Variants in DCC observed in about 807,000 individuals in gnomAD.
DCC encodes the protein netrin receptor DCC.
DCC carries 58 observed loss-of-function variants against 172.5 expected under a neutral mutation model. That is an observed-to-expected ratio of 0.34 (90% CI 0.27 to 0.42). DCC has a LOEUF of 0.42. DCC is among the 10% of genes least tolerant of loss of function. The pLI is 1.00. For missense variants in DCC, 1,740 were observed against 1,791.0 expected (o/e 0.97, Z 0.51); for synonymous variants, 709 against 644.5 (o/e 1.10, Z -1.52).
At chr18:52,897,351 A>G (rs1833852252) in intron 2 of DCC, among the ~76,000 whole-genome samples, 1 of 152,216 alleles carries the variant, frequency 6.6e-6, no homozygotes, top group Admixed American at 6.5e-5. Context: ...AACTCCAGGT[A>G]ATCTCATTAT....
At chr18:53,441,421 C>A (rs1407774659) in intron 22 of DCC, among the ~76,000 whole-genome samples, 2 of 152,080 alleles carry the variant, frequency 1.3e-5, no homozygotes, top group East Asian at 1.9e-4. Context: ...AAATGTATAT[C>A]ATTAATGCAG....
intron 14 of DCC, among the ~76,000 whole-genome samples, chr18:53,330,055 C>T (rs891999376): frequency 3.9e-5 from 6 of 152,126 alleles, no homozygotes; most frequent in Non-Finnish European, 8.8e-5. Flanking sequence ...GTGGTTGATT[C>T]TGGTGATGGA....
intron 12 of DCC, among the ~76,000 whole-genome samples, chr18:53,228,357 C>T (rs974852720): frequency 1.3e-5 from 2 of 152,198 alleles, no homozygotes; most frequent in African/African-American, 4.8e-5. Flanking sequence ...CCGTTACAAT[C>T]TTGGATTATT....
At chr18:52,964,683 G>C (rs754312341) in intron 5 of DCC, among the ~76,000 whole-genome samples, 4 of 152,080 alleles carry the variant, frequency 2.6e-5, no homozygotes, top group Non-Finnish European at 5.9e-5. Flanking sequence ...AATTTGCTTA[G>C]AATGTCTACT....
intron 7 of DCC, among the ~76,000 whole-genome samples, chr18:53,133,653 A>G (rs962795500): frequency 1.3e-5 from 2 of 152,208 alleles, no homozygotes; most frequent in African/African-American, 4.8e-5. Context: ...GAAAACTATT[A>G]GTGGTACATT....
chr18:53,033,034 G>A (rs564881164), intron 5 of DCC, among the ~76,000 whole-genome samples: 15 of 152,228 alleles, frequency 9.9e-5, no homozygotes, highest in African/African-American at 3.1e-4. Flanking sequence ...GTTAAATAGA[G>A]TTAGTCTCCA....
At chr18:52,540,597 CTTTTT>C (rs71175505) in intron 1 of DCC, among the ~76,000 whole-genome samples, 2 of 67,490 alleles carry the variant, frequency 3.0e-5, no homozygotes, top group Non-Finnish European at 5.0e-5. Flanking sequence ...ATTCAACTGC[CTTTTT>C]TTTTTTTTTT....
intron 5 of DCC, among the ~76,000 whole-genome samples, chr18:52,933,483 A>G (rs2040337806): frequency 6.6e-6 from 1 of 151,906 alleles, no homozygotes; most frequent in East Asian, 1.9e-4. Context: ...GAGGTAGTAA[A>G]TGTGCAAAGG....
intron 1 of DCC, among the ~76,000 whole-genome samples, chr18:52,364,986 T>A (rs1314490774): frequency 1.3e-5 from 2 of 152,142 alleles, no homozygotes; most frequent in African/African-American, 4.8e-5. Context: ...TGTAGAAAGT[T>A]TAAAAGAAAT....
At chr18:52,422,382 A>C (rs1162674693) in intron 1 of DCC, among the ~76,000 whole-genome samples, 3 of 152,132 alleles carry the variant, frequency 2.0e-5, no homozygotes, top group Admixed American at 1.3e-4. Flanking sequence ...AGTCCCCTTA[A>C]CATCACATCA....
chr18:52,848,601 G>A (rs2038931039), intron 2 of DCC, among the ~76,000 whole-genome samples: 1 of 151,974 alleles, frequency 6.6e-6, no homozygotes, highest in Non-Finnish European at 1.5e-5. Flanking sequence ...TGGCTTTGGA[G>A]TTTCGCATGT....
chr18:53,471,547 A>G (rs557000004), intron 25 of DCC, among the ~76,000 whole-genome samples: 10 of 152,158 alleles, frequency 6.6e-5, no homozygotes, highest in Non-Finnish European at 1.5e-4. Flanking sequence ...CAATTTTACT[A>G]TGTTCTACAA....
intron 2 of DCC, among the ~76,000 whole-genome samples, chr18:52,846,989 A>G (rs2038904715): frequency 6.6e-6 from 1 of 152,080 alleles, no homozygotes; most frequent in Non-Finnish European, 1.5e-5. Context: ...TCAATATGTA[A>G]GTGTTATGTT....
intron 2 of DCC, among the ~76,000 whole-genome samples, chr18:52,866,810 C>A (rs2039235986): frequency 2.0e-5 from 3 of 152,210 alleles, no homozygotes; most frequent in Admixed American, 6.5e-5. Flanking sequence ...TCTAAATACA[C>A]AATCATGTCA....
intron 2 of DCC, among the ~76,000 whole-genome samples, chr18:52,799,422 G>A (rs145335961): frequency 1.4e-4 from 21 of 152,294 alleles, no homozygotes; most frequent in African/African-American, 2.2e-4. Flanking sequence ...ATGTAACAAG[G>A]AAGCATGAAA....
At chr18:52,734,026 C>T (rs1311092028) in intron 1 of DCC, among the ~76,000 whole-genome samples, 1 of 152,084 alleles carries the variant, frequency 6.6e-6, no homozygotes, top group East Asian at 1.9e-4. Flanking sequence ...AAATATATTT[C>T]AAACTAAAGT....
Position 52,797,890 on chromosome 18 carries a change from A to T in DCC, c.412+45516A>T, listed in dbSNP as rs2037907444. On this transcript the variant is annotated intron_variant, in intron 2 of 28. Coordinates refer to ENST00000442544, the MANE Select transcript of DCC (RefSeq NM_005215.4). ...AAAGGCTGGCTGGTTCTCAAGCCGC[A>T]TAAAACACATGTGGGCAATAGCAGT... is the stretch of plus-strand genomic sequence containing the variant. 2.0e-5 allele frequency among the ~76,000 whole-genome samples: 3 copies of T among 152,214 alleles called. No homozygotes were observed. In the South Asian group the frequency reaches 6.2e-4, roughly 32 times the overall value.
intron 21 of DCC, among the ~76,000 whole-genome samples, chr18:53,425,957 C>T (rs1599134753): frequency 1.3e-5 from 2 of 152,006 alleles, no homozygotes; most frequent in East Asian, 3.9e-4. Context: ...TTCAGTGGAT[C>T]CCTATCCTCT....
At chr18:52,545,412 G>T (rs2032582983) in intron 1 of DCC, among the ~76,000 whole-genome samples, 1 of 152,160 alleles carries the variant, frequency 6.6e-6, no homozygotes, top group Non-Finnish European at 1.5e-5. Flanking sequence ...CTCCACAACT[G>T]TGAGCCAATC....
Sources: allele counts gnomAD v4.1 joint callset (sites outside exome capture counted in the v4.1 genomes callset), GRCh38; gene constraint gnomAD v4.1.1; transcripts MANE v1.5; gene names NCBI Gene and HGNC (gene_info 2026-07-23, HGNC 2026-07-21).